ADGRE1: variants seen among roughly 807,000 people sequenced by gnomAD.
ADGRE1 encodes the protein adhesion G protein-coupled receptor E1, also known as EGF-like module receptor 1.
Under a neutral mutation model 102.7 loss-of-function variants are expected in ADGRE1, and 82 were observed. The ratio of observed to expected loss-of-function variants is 0.80; its 90% CI spans 0.67 to 0.96. ADGRE1 has a LOEUF of 0.96. Ranked by LOEUF, ADGRE1 falls within the 40% of genes least tolerant of loss-of-function variation. ADGRE1 has a pLI of 0.00. For synonymous variants in ADGRE1, 398 were observed against 399.6 expected, an observed-to-expected ratio of 1.00 and a Z score of 0.05; for missense variants, 1,032 against 1,085.3, an observed-to-expected ratio of 0.95 and a Z score of 0.69.
intron 6 of ADGRE1, 54 bp from the exon 7 acceptor site, chr19:6,903,756 G>T: frequency 6.2e-7 from 1 of 1,605,402 alleles, no homozygotes; most frequent in Non-Finnish European, 8.5e-7. Context: ...AGGGAAGCAT[G>T]ATTTTGTTGG....
At position 6,921,803 on chromosome 19, in the gene ADGRE1, G is replaced by T; in HGVS notation, c.1711G>T (p.Glu571Ter). The change falls in exon 14 of 21, where the codon GAA becomes TAA. Residue 571 changes from glutamate (E) to a stop codon, truncating the protein, a stop_gained. Transcript: ENST00000312053. LOFTEE classifies it high-confidence loss of function. ...GACATCCTTTGGCTGTGTGATCCTGGAAGCTTCTGAGACATATACCATCTG... is the reference window on the plus strand; with the variant it reads ...GACATCCTTTGGCTGTGTGATCCTGTAAGCTTCTGAGACATATACCATCTG... ...RWTSFGCVIL[E>*]ASETYTICSC... is the part of the protein sequence containing the mutation. The T allele has an allele frequency of 6.2e-7, 1 of 1,614,138 alleles. No individual in the cohort carries two copies. Among genetic ancestry groups the T allele is most frequent in the Non-Finnish European group, 8.5e-7 (1 of 1,180,006 alleles).
At chr19:6,901,810 A>G (rs1340974615) in intron 5 of ADGRE1, 65 bp from the exon 6 acceptor site, 3 of 1,556,746 alleles carry the variant, frequency 1.9e-6, no homozygotes, top group Non-Finnish European at 2.6e-6. Context: ...TGCATCTCCT[A>G]TTTGTAGTCT....
Position 6,924,896 on chromosome 19 carries a change from C to G in ADGRE1, c.1986+24C>G, listed in dbSNP as rs766070535. The G allele has an allele frequency of 2.5e-6, 4 of 1,608,656 alleles. No individual in the cohort carries two copies. In the African/African-American group the frequency reaches 5.3e-5, roughly 21 times the overall value. On this transcript the variant is annotated intron_variant, in intron 15 of 20. Coordinates refer to ENST00000312053, the MANE Select transcript of ADGRE1 (RefSeq NM_001974.5). ...AGGTCTACATCGCTCGGGCTGTGTCCCCACCAAGCCCCATCTTCTCCCCAC... is the reference window on the plus strand; with the variant it reads ...AGGTCTACATCGCTCGGGCTGTGTCGCCACCAAGCCCCATCTTCTCCCCAC...
chr19:6,920,272 T>A (rs955146047), intron 13 of ADGRE1, among the ~76,000 whole-genome samples: 25 of 148,300 alleles, frequency 1.7e-4, no homozygotes, highest in African/African-American at 6.3e-4. Context: ...CAGGCTGGAG[T>A]GCAGTGGCAC....
intron 5 of ADGRE1, among the ~76,000 whole-genome samples, chr19:6,901,607 A>G (rs1270708428): frequency 1.3e-5 from 2 of 152,176 alleles, no homozygotes; most frequent in African/African-American, 4.8e-5. Flanking sequence ...CTACTTTTCC[A>G]ATTTCTGATA....
intron 15 of ADGRE1, 30 bp downstream of exon 15, chr19:6,924,902 A>C (rs539489803): frequency 1.7e-4 from 267 of 1,607,796 alleles, no homozygotes; most frequent in Admixed American, 2.7e-4. Flanking sequence ...TGTCCCCACC[A>C]AGCCCCATCT....
chr19:6,911,628 TAAAC>T (rs1421170469), intron 10 of ADGRE1, among the ~76,000 whole-genome samples: 3 of 85,328 alleles, frequency 3.5e-5, no homozygotes, highest in East Asian at 2.8e-4. Context: ...CACATACAAA[TAAAC>T]ACACACACAT....
chr19:6,931,266 C>T (rs999189189), intron 17 of ADGRE1, among the ~76,000 whole-genome samples: 1 of 152,080 alleles, frequency 6.6e-6, no homozygotes, highest in Non-Finnish European at 1.5e-5. Context: ...AATTATATTC[C>T]TCCACAGAGG....
chr19:6,893,146 A>G (rs527254029), intron 2 of ADGRE1, among the ~76,000 whole-genome samples: 4 of 152,306 alleles, frequency 2.6e-5, no homozygotes, highest in African/African-American at 7.2e-5. Flanking sequence ...CCAGTCCTCC[A>G]GTTCCATCCA....
chr19:6,920,164 C>A (rs565670625), intron 13 of ADGRE1, among the ~76,000 whole-genome samples: 1 of 151,744 alleles, frequency 6.6e-6, no homozygotes, highest in Admixed American at 6.6e-5. Flanking sequence ...CTGATTGGAT[C>A]CGGCCATGGG....
intron 2 of ADGRE1, among the ~76,000 whole-genome samples, chr19:6,894,038 C>T (rs943886209): frequency 2.0e-5 from 3 of 152,216 alleles, no homozygotes; most frequent in Non-Finnish European, 4.4e-5. Context: ...TTGGTTTCAG[C>T]TTTCACTTAT....
At chr19:6,916,483 A>G in intron 12 of ADGRE1, 115 bp downstream of exon 12, 45 of 1,341,160 alleles carry the variant, frequency 3.4e-5, no homozygotes, top group Non-Finnish European at 4.5e-5. Context: ...ATGAGGGTAG[A>G]AATGGTCCAT....
chr19:6,903,783 G>A (rs1434493227), intron 6 of ADGRE1, 27 bp from the exon 7 acceptor site: 1 of 1,610,754 alleles, frequency 6.2e-7, no homozygotes, highest in Non-Finnish European at 8.5e-7. Context: ...GGCCAACTTG[G>A]CTCCACACCC....
At position 6,890,542 on chromosome 19, in the gene ADGRE1, G is replaced by C; in HGVS notation, c.93G>C (p.Lys31Asn). The C allele has an allele frequency of 6.2e-6, 10 of 1,609,576 alleles. No homozygotes were observed. The highest frequency in any genetic ancestry group is 8.5e-6 in the Non-Finnish European group (10 of 1,178,342). Residue 31 changes from lysine (K) to asparagine (N), a missense_variant and splice_region_variant, in exon 2 of 21, where the codon AAG becomes AAC. By Grantham distance (94) the Lys-to-Asn change is moderately conservative. Coordinates refer to ENST00000312053, the MANE Select transcript of ADGRE1 (RefSeq NM_001974.5). ...GACCCACACGGAAACCAAACACAAAGGGTAAGTTGGCCAGAGAGAATGCAG... is the reference window on the plus strand; with the variant it reads ...GACCCACACGGAAACCAAACACAAACGGTAAGTTGGCCAGAGAGAATGCAG... Reference protein sequence around the residue: ...HIRPTRKPNTKGNNCRDSTLC... With the variant: ...HIRPTRKPNTNGNNCRDSTLC...
intron 16 of ADGRE1, among the ~76,000 whole-genome samples, chr19:6,927,716 C>T (rs1041076966): frequency 9.2e-5 from 14 of 151,950 alleles, no homozygotes; most frequent in African/African-American, 2.9e-4. Context: ...GGCTGGAGTG[C>T]GGTGGCGTGA....
intron 15 of ADGRE1, 76 bp downstream of exon 15, chr19:6,924,948 C>T (rs1313024241): frequency 1.4e-6 from 2 of 1,480,704 alleles, no homozygotes; most frequent in African/African-American, 1.4e-5. Flanking sequence ...CTAGCCAACT[C>T]CCTCTATCCC....
chr19:6,935,166 T>A, intron 18 of ADGRE1, 88 bp downstream of exon 18: 1 of 982,948 alleles, frequency 1.0e-6, no homozygotes, highest in Non-Finnish European at 1.5e-6. Context: ...GTGTGCTGGG[T>A]CCTATGCCTG....
intron 8 of ADGRE1, 133 bp from the exon 9 acceptor site, chr19:6,906,300 A>T (rs1248150885): frequency 7.2e-6 from 5 of 698,456 alleles, no homozygotes; most frequent in Non-Finnish European, 9.9e-6. Context: ...TGGTTTGTTC[A>T]TTTTCCCCCT....
In ADGRE1 at chr19:6,890,474, T is replaced by A; in HGVS notation, c.32-7T>A. On this transcript the variant is annotated splice_polypyrimidine_tract_variant and splice_region_variant and intron_variant, in intron 1 of 20. Coordinates refer to ENST00000312053, the MANE Select transcript of ADGRE1 (RefSeq NM_001974.5). ...GTTCATGGTGTTTTTCTTTTCTTTC[T>A]TCACAGGATGTTGTGTTATGCACAG... is the stretch of plus-strand genomic sequence containing the variant. The A allele has an allele frequency of 6.3e-7, 1 of 1,579,050 alleles. No individual in the cohort carries two copies. Among genetic ancestry groups the A allele is most frequent in the East Asian group, 2.2e-5 (1 of 44,464 alleles).
Sources: gnomAD v4.1 joint callset for allele counts (sites outside exome capture counted in the v4.1 genomes callset) on GRCh38, gnomAD v4.1.1 for gene constraint, MANE v1.5 for transcripts, NCBI Gene and HGNC (gene_info 2026-07-23, HGNC 2026-07-21) for gene names.